SLC8B1: variants seen among roughly 807,000 people sequenced by gnomAD.
SLC8B1 encodes the protein mitochondrial sodium/calcium exchanger protein.
In SLC8B1, 52 loss-of-function variants were observed where a neutral mutation model predicts 63.4. That is an observed-to-expected ratio of 0.82 (90% CI 0.66 to 1.03). The LOEUF (loss-of-function observed/expected upper bound fraction) is 1.03. Ranked by LOEUF, SLC8B1 falls within the 50% of genes least tolerant of loss-of-function variation. The pLI, the probability that SLC8B1 is intolerant of heterozygous loss-of-function variation, is 0.00. For synonymous variants in SLC8B1, 336 were observed against 323.9 expected (o/e 1.04, Z -0.40); for missense variants, 657 against 741.7 (o/e 0.89, Z 1.33).
intron 7 of SLC8B1, 181 bp from the exon 8 acceptor site, chr12:113,319,252 C>T: frequency 1.7e-6 from 1 of 575,570 alleles, no homozygotes; most frequent in Non-Finnish European, 3.2e-6. Flanking sequence ...CTTCCAGGAC[C>T]ATCTCCCTTC....
At chr12:113,333,486 A>G (rs1373939096) in intron 1 of SLC8B1, among the ~76,000 whole-genome samples, 1 of 152,198 alleles carries the variant, frequency 6.6e-6, no homozygotes, top group Admixed American at 6.5e-5. Context: ...CAAGCTTTAC[A>G]TGGATGACCT....
Position 113,320,928 on chromosome 12 carries a change from G to A in SLC8B1, c.363-21C>T. The A allele has an allele frequency of 1.9e-6, 3 of 1,601,476 alleles. No individual in the cohort carries two copies. The highest frequency in any genetic ancestry group is 1.8e-5 in the Admixed American group (1 of 56,606). On this transcript the variant is annotated intron_variant, in intron 4 of 15. Transcript: ENST00000680972. This position sits in a 1 kb window ranked among gnomAD's most constrained non-coding sequence, Gnocchi z 5.3. ...AGAAACTACGGAGAAAAAGCGGACG[G>A]GAAGCATTTCCGTAGTAACCGGCCC...
chr12:113,316,504 C>A, intron 10 of SLC8B1, 22 bp downstream of exon 10: 1 of 1,609,892 alleles, frequency 6.2e-7, no homozygotes, highest in South Asian at 1.1e-5. Context: ...AGGCTGTGAG[C>A]CTGGCTCCAG....
intron 12 of SLC8B1, among the ~76,000 whole-genome samples, chr12:113,309,002 C>T (rs1394027152): frequency 2.6e-5 from 4 of 151,580 alleles, no homozygotes; most frequent in South Asian, 2.1e-4. Flanking sequence ...TACAGGTGCC[C>T]GCCACCATGC....
intron 14 of SLC8B1, 68 bp downstream of exon 14, chr12:113,306,427 G>A: frequency 1.5e-6 from 2 of 1,339,064 alleles, no homozygotes; most frequent in Non-Finnish European, 2.0e-6. Flanking sequence ...CCAGGGTGGG[G>A]CATGGAGCAC....
intron 14 of SLC8B1, among the ~76,000 whole-genome samples, chr12:113,306,128 ACCCT>A (rs1204338031): frequency 6.6e-6 from 1 of 150,810 alleles, no homozygotes; most frequent in African/African-American, 2.4e-5. Context: ...AAGTCTGCCA[ACCCT>A]AACATAGACC....
chr12:113,310,426 A>G, intron 11 of SLC8B1, 71 bp from the exon 12 acceptor site: 1 of 1,554,418 alleles, frequency 6.4e-7, no homozygotes, highest in Admixed American at 2.0e-5. Context: ...GACTATTTGG[A>G]TGTCAGGTAG....
At chr12:113,324,337 A>C (rs1324916563) in intron 2 of SLC8B1, among the ~76,000 whole-genome samples, 1 of 151,640 alleles carries the variant, frequency 6.6e-6, no homozygotes, top group South Asian at 2.1e-4. Context: ...ACAAAAAAAA[A>C]AACTTTTCTT....
chr12:113,321,388 T>G (rs1163684857), intron 2 of SLC8B1, 40 bp from the exon 3 acceptor site: 1 of 1,613,720 alleles, frequency 6.2e-7, no homozygotes, highest in Admixed American at 1.7e-5. Context: ...CGGCAGAGAC[T>G]TCCCTGAGAA....
chr12:113,300,473 ACT>A (rs1376845601), intron 15 of SLC8B1, among the ~76,000 whole-genome samples: 2 of 152,066 alleles, frequency 1.3e-5, no homozygotes, highest in South Asian at 2.1e-4. Context: ...ATGGAGTAAG[ACT>A]CTGTCTCAAA....
At chr12:113,327,387 A>G (rs1957008413) in intron 2 of SLC8B1, among the ~76,000 whole-genome samples, 2 of 152,138 alleles carry the variant, frequency 1.3e-5, no homozygotes, top group Non-Finnish European at 2.9e-5. Context: ...AATGGGGGCA[A>G]TAACACCCAC....
intron 2 of SLC8B1, among the ~76,000 whole-genome samples, chr12:113,322,056 G>A (rs1956939019): frequency 6.6e-6 from 1 of 152,064 alleles, no homozygotes. Flanking sequence ...AAATTAGGTA[G>A]GCATGGTGAT....
intron 13 of SLC8B1, chr12:113,306,807 A>G: frequency 1.8e-6 from 1 of 546,226 alleles, no homozygotes; most frequent in East Asian, 2.9e-5. Flanking sequence ...ACAACTTTGC[A>G]GGTGTGAAAA....
In SLC8B1 at chr12:113,321,045, G is replaced by A. The variant is rs1956920012; in HGVS notation, c.362+11C>T. The A allele has an allele frequency of 6.2e-7, 1 of 1,610,594 alleles. No homozygotes were observed. The highest frequency in any genetic ancestry group is 1.1e-5 in the South Asian group (1 of 90,556). On this transcript the variant is annotated intron_variant, in intron 4 of 15. Transcript: ENST00000680972. ...TTGATAAGCCAGACCGGAGCCCAGAGCCAAACTCACAACTTGGCTGCGGTG... is the reference window on the plus strand; with the variant it reads ...TTGATAAGCCAGACCGGAGCCCAGAACCAAACTCACAACTTGGCTGCGGTG...
intron 8 of SLC8B1, among the ~76,000 whole-genome samples, chr12:113,317,774 G>GTA (rs10660631): frequency 0.53 from 80,393 of 151,768 alleles, 21,806 homozygotes; most frequent in Middle Eastern, 0.67. Flanking sequence ...GCATGTATTT[G>GTA]TATGTGTGTT....
chr12:113,311,841 C>T (rs893360995), intron 11 of SLC8B1, among the ~76,000 whole-genome samples: 11 of 151,686 alleles, frequency 7.3e-5, no homozygotes, highest in African/African-American at 2.7e-4. Flanking sequence ...GTAGTTGGGA[C>T]TGTAGGTGTG....
At chr12:113,325,529 T>C (rs939071942) in intron 2 of SLC8B1, among the ~76,000 whole-genome samples, 13 of 152,096 alleles carry the variant, frequency 8.5e-5, no homozygotes, top group African/African-American at 2.9e-4. Flanking sequence ...CCCATTGTGC[T>C]GGGATTATAG....
chr12:113,313,316 CA>C (rs1956787559), intron 11 of SLC8B1, among the ~76,000 whole-genome samples: 1 of 148,882 alleles, frequency 6.7e-6, no homozygotes, highest in South Asian at 2.1e-4. Context: ...TCCTTTTCAA[CA>C]AATTTGCCTT....
intron 2 of SLC8B1, among the ~76,000 whole-genome samples, chr12:113,328,970 C>T (rs1041796338): frequency 2.6e-5 from 4 of 151,994 alleles, no homozygotes; most frequent in Non-Finnish European, 4.4e-5. Context: ...AGGCTGGTCT[C>T]GAAATCCTGG....
Sources: allele counts gnomAD v4.1 joint callset (sites outside exome capture counted in the v4.1 genomes callset), GRCh38; gene constraint gnomAD v4.1.1; non-coding constraint Gnocchi (gnomAD v3.1); transcripts MANE v1.5; gene names NCBI Gene and HGNC (gene_info 2026-07-23, HGNC 2026-07-21).